FREM1: variants seen among roughly 807,000 people sequenced by gnomAD.
FREM1 encodes the protein FRAS1 related extracellular matrix 1.
Under a neutral mutation model 210.1 loss-of-function variants are expected in FREM1, and 220 were observed. That is an observed-to-expected ratio of 1.05 (90% CI 0.94 to 1.17). The LOEUF is 1.17. Among genes scored for constraint, FREM1 ranks in the 50% most tolerant of loss-of-function variants. The pLI is 0.00. For synonymous variants in FREM1, 1,189 were observed against 980.2 expected (o/e 1.21, Z -3.98); for missense variants, 3,454 against 2,675.5 (o/e 1.29, Z -6.42).
At chr9:14,778,551 T>G (rs1587910607) in intron 24 of FREM1, among the ~76,000 whole-genome samples, 1 of 134,214 alleles carries the variant, frequency 7.5e-6, no homozygotes, top group Non-Finnish European at 1.5e-5. Flanking sequence ...GAGGCTACAG[T>G]GAGCCATGAA....
At chr9:14,861,963 G>C (rs1208584479) in intron 3 of FREM1, among the ~76,000 whole-genome samples, 1 of 152,132 alleles carries the variant, frequency 6.6e-6, no homozygotes, top group African/African-American at 2.4e-5. Context: ...CCATCCCCAT[G>C]TTCCCTGCAA....
At chr9:14,908,075 A>G (rs1818092173) in intron 1 of FREM1, among the ~76,000 whole-genome samples, 1 of 152,178 alleles carries the variant, frequency 6.6e-6, no homozygotes, top group Non-Finnish European at 1.5e-5. Context: ...TGAGGAAAGA[A>G]AAGAAAGCAA....
intron 18 of FREM1, among the ~76,000 whole-genome samples, chr9:14,806,132 T>G (rs1818299039): frequency 6.6e-6 from 1 of 152,208 alleles, no homozygotes; most frequent in South Asian, 2.1e-4. Context: ...TCCATTTATT[T>G]TGAAGTAAAT....
chr9:14,850,108 C>G (rs944181178), intron 6 of FREM1, among the ~76,000 whole-genome samples: 13 of 152,144 alleles, frequency 8.5e-5, no homozygotes, highest in Non-Finnish European at 4.4e-5. Context: ...TCAGTCTGCT[C>G]GTTTACAATT....
chr9:14,886,994 T>C (rs1835936902), intron 1 of FREM1, among the ~76,000 whole-genome samples: 1 of 152,106 alleles, frequency 6.6e-6, no homozygotes, highest in Non-Finnish European at 1.5e-5. Flanking sequence ...TTTCCAAAGT[T>C]ATTAATATAA....
chr9:14,894,131 T>C (rs1564188252), intron 1 of FREM1, among the ~76,000 whole-genome samples: 1 of 152,236 alleles, frequency 6.6e-6, no homozygotes, highest in Admixed American at 6.5e-5. Context: ...TTATTTGGTA[T>C]AAAAATAATA....
intron 10 of FREM1, among the ~76,000 whole-genome samples, chr9:14,840,574 C>T (rs1351210577): frequency 6.6e-6 from 1 of 152,178 alleles, no homozygotes; most frequent in African/African-American, 2.4e-5. Flanking sequence ...ATCATGAGAA[C>T]AGCACAGGAA....
chr9:14,778,803 G>A (rs1486933944), intron 24 of FREM1, among the ~76,000 whole-genome samples: 1 of 150,648 alleles, frequency 6.6e-6, no homozygotes, highest in East Asian at 2.0e-4. Flanking sequence ...GACACTCTGG[G>A]AGGCTGGGGT....
rs1191447660 is a variant in FREM1 at position 14,899,578 on chromosome 9, C to T, written c.-268+10336G>A. 3.3e-5 allele frequency among the ~76,000 whole-genome samples: 5 copies of T among 152,232 alleles called. No homozygotes were observed. The East Asian group carries it at 9.7e-4, about 29-fold the overall frequency. On this transcript the variant is annotated intron_variant, in intron 1 of 36. Transcript: ENST00000380880. Reference sequence around the variant, plus strand: ...GATACAGCAATGTAGAAAATTACATCGTATAAGAACTGCAAACACCAGTAA... The same window carrying T: ...GATACAGCAATGTAGAAAATTACATTGTATAAGAACTGCAAACACCAGTAA...
chr9:14,886,895 C>CAAAAAAAAA (rs59827471), intron 1 of FREM1, among the ~76,000 whole-genome samples: 3 of 95,498 alleles, frequency 3.1e-5, no homozygotes, highest in Non-Finnish European at 4.3e-5. Flanking sequence ...GACCTTGTTT[C>CAAAAAAAAA]AAAAAAAAAA....
chr9:14,795,487 G>A (rs1374963506), intron 21 of FREM1, among the ~76,000 whole-genome samples: 5 of 152,188 alleles, frequency 3.3e-5, no homozygotes, highest in Non-Finnish European at 5.9e-5. Flanking sequence ...CCGGGAGAAG[G>A]AAAGAGGTGA....
chr9:14,813,035 G>A lies in FREM1; in HGVS notation c.2670C>T (p.Val890=). The A allele has an allele frequency of 2.5e-6, 4 of 1,612,172 alleles. No homozygotes were observed. The highest frequency in any genetic ancestry group is 3.4e-6 in the Non-Finnish European group (4 of 1,178,604). Residue 890 remains valine (V), a synonymous_variant, in exon 16 of 37, where the codon GTC becomes GTT. Coordinates refer to ENST00000380880, the MANE Select transcript of FREM1 (RefSeq NM_001379081.2). ...TGACAGGCATGAGGTCAGCCTTTAA[G>A]ACTGGTGGCTCATCGTTGACAGGGA... ...EVFPVNDEPP[V]LKADLMPVMN... is the part of the protein sequence containing the mutation.
At chr9:14,859,540 C>T in intron 3 of FREM1, 56 bp from the exon 4 acceptor site, 1 of 1,412,460 alleles carries the variant, frequency 7.1e-7, no homozygotes, top group Non-Finnish European at 9.7e-7. Flanking sequence ...ATTTCTGATA[C>T]CCATGTACTC....
At chr9:14,884,391 A>G (rs774174188) in intron 1 of FREM1, among the ~76,000 whole-genome samples, 24 of 152,146 alleles carry the variant, frequency 1.6e-4, no homozygotes, top group East Asian at 1.9e-4. Context: ...TTTTCTTTAC[A>G]TGGTAATCAT....
Position 14,860,835 on chromosome 9 carries a change from G to GCA in FREM1, c.330-1352_330-1351insTG, listed in dbSNP as rs1564102295. Among the ~76,000 whole-genome samples the GCA allele has an allele frequency of 1.5e-4, 12 of 79,772 alleles. No individual in the cohort carries two copies. The East Asian group carries it at 4.3e-3, about 28-fold the overall frequency. The allele number at this position is 79,772 out of a possible 152,430, so 52.3% of individuals were successfully genotyped here. ...TATATACACATATATACATATATAC[G>GCA]TATATATACATATATACGTATATAT... On this transcript the variant is annotated intron_variant, in intron 3 of 36. Coordinates refer to ENST00000380880, the MANE Select transcript of FREM1 (RefSeq NM_001379081.2).
chr9:14,799,722 TC>T (rs1853155280), intron 20 of FREM1, among the ~76,000 whole-genome samples: 1 of 152,220 alleles, frequency 6.6e-6, no homozygotes, highest in Non-Finnish European at 1.5e-5. Flanking sequence ...TTTGGTAATA[TC>T]ATCATTTATG....
At chr9:14,808,926 G>A (rs2133465329) in intron 16 of FREM1, among the ~76,000 whole-genome samples, 1 of 152,320 alleles carries the variant, frequency 6.6e-6, no homozygotes, top group East Asian at 1.9e-4. Flanking sequence ...TTTTGCACAT[G>A]TGCTGTTGGT....
chr9:14,824,846 C>T lies in FREM1; in HGVS notation c.2028G>A (p.Arg676=). ...GAGTAGTTATTGTGTAGACCAGCTC[C>T]CTGTCATATGATTCTGAATCTATAA... ...LHFIDSESYD[R]ELVYTITTPP... The change falls in exon 11 of 37, where the codon AGG becomes AGA. Residue 676 remains arginine (R), a synonymous_variant. Coordinates refer to ENST00000380880, the MANE Select transcript of FREM1 (RefSeq NM_001379081.2). 6.2e-7 allele frequency: 1 copy of T among 1,613,284 alleles called. No homozygotes were observed. The highest frequency in any genetic ancestry group is 8.5e-7 in the Non-Finnish European group (1 of 1,179,580).
intron 16 of FREM1, among the ~76,000 whole-genome samples, chr9:14,812,187 C>G (rs1462257215): frequency 6.6e-6 from 1 of 152,204 alleles, no homozygotes; most frequent in Non-Finnish European, 1.5e-5. Flanking sequence ...CTATAAGTTA[C>G]AGATATCAGA....
Sources: allele counts gnomAD v4.1 joint callset (sites outside exome capture counted in the v4.1 genomes callset), GRCh38; gene constraint gnomAD v4.1.1; transcripts MANE v1.5; gene names NCBI Gene and HGNC (gene_info 2026-07-23, HGNC 2026-07-21).